SEMA3D: variants seen among roughly 807,000 people sequenced by gnomAD.
SEMA3D encodes the protein semaphorin 3D, also known as semaphorin-3D.
SEMA3D carries 84 observed loss-of-function variants against 100.1 expected under a neutral mutation model. The observed-to-expected ratio is 0.84, with a 90% CI of 0.70 to 1.01. SEMA3D has a LOEUF of 1.01. Among genes scored for constraint, SEMA3D ranks in the 50% least tolerant of loss-of-function variants. SEMA3D has a pLI of 0.00. For synonymous variants in SEMA3D, 312 were observed against 320.7 expected (o/e 0.97, Z 0.29); for missense variants, 875 against 934.1 (o/e 0.94, Z 0.82).
chr7:85,144,452 C>T (rs1490236159), intron 2 of SEMA3D: 4 of 979,184 alleles, frequency 4.1e-6, no homozygotes, highest in Non-Finnish European at 4.9e-6. Context: ...TCCTCTTCCC[C>T]AGAGGTAGAA....
intron 1 of SEMA3D, among the ~76,000 whole-genome samples, chr7:85,154,395 G>A (rs1184937914): frequency 6.6e-6 from 1 of 152,008 alleles, no homozygotes; most frequent in Non-Finnish European, 1.5e-5. Flanking sequence ...TCCCATGGAA[G>A]GGAGCCTCAG....
At chr7:85,064,502 T>A (rs545188707) in intron 8 of SEMA3D, among the ~76,000 whole-genome samples, 1 of 152,190 alleles carries the variant, frequency 6.6e-6, no homozygotes, top group African/African-American at 2.4e-5. Flanking sequence ...AGAAATGTTT[T>A]CAAAGTGTTT....
intron 16 of SEMA3D, 64 bp downstream of exon 16, chr7:85,014,995 C>A (rs1790056306): frequency 2.4e-6 from 3 of 1,238,098 alleles, no homozygotes; most frequent in African/African-American, 1.5e-5. Context: ...TAAGACAAAG[C>A]ATTAATGTGA....
At chr7:85,225,253 T>A in the SEMA3D span, among the ~76,000 whole-genome samples, 1 of 148,474 alleles carries the variant, frequency 6.7e-6, no homozygotes, top group Non-Finnish European at 1.5e-5. Context: ...CTAGTGAAAA[T>A]CAGAATAAGC....
At chr7:85,054,452 T>G (rs1456759597) in intron 9 of SEMA3D, among the ~76,000 whole-genome samples, 1 of 152,068 alleles carries the variant, frequency 6.6e-6, no homozygotes, top group Non-Finnish European at 1.5e-5. Context: ...GCAAGAGGCT[T>G]CAAGAGAAAT....
intron 3 of SEMA3D, among the ~76,000 whole-genome samples, chr7:85,109,511 C>G (rs1421030030): frequency 2.6e-5 from 4 of 151,946 alleles, no homozygotes; most frequent in African/African-American, 9.7e-5. Flanking sequence ...CTGTTTCTGG[C>G]TCACTGTGGC....
At chr7:85,246,401 ACTTCAT>A in the SEMA3D span, among the ~76,000 whole-genome samples, 1 of 152,022 alleles carries the variant, frequency 6.6e-6, no homozygotes, top group Non-Finnish European at 1.5e-5. Context: ...GCCCTCAATA[ACTTCAT>A]CTTCCTTCAG....
chr7:85,014,654 G>A (rs916054849), intron 16 of SEMA3D, among the ~76,000 whole-genome samples: 1 of 151,670 alleles, frequency 6.6e-6, no homozygotes, highest in Non-Finnish European at 1.5e-5. Context: ...TACAATCTGT[G>A]CTTGTACAAT....
chr7:85,052,783 G>A (rs566951301), intron 9 of SEMA3D, among the ~76,000 whole-genome samples: 63 of 151,956 alleles, frequency 4.1e-4, no homozygotes, highest in Non-Finnish European at 5.6e-4. Context: ...TGCATTTTGC[G>A]CAGAAATTAT....
chr7:85,180,981 T>C (rs1791386496), intron 1 of SEMA3D, among the ~76,000 whole-genome samples: 1 of 152,220 alleles, frequency 6.6e-6, no homozygotes, highest in Admixed American at 6.5e-5. Context: ...CTAGTGTAAG[T>C]TATCTGATGT....
the SEMA3D span, among the ~76,000 whole-genome samples, chr7:85,232,972 C>T: frequency 1.3e-5 from 2 of 152,096 alleles, no homozygotes; most frequent in Admixed American, 6.6e-5. Context: ...TTAAACTTGT[C>T]CCTACCCTCT....
chr7:85,027,704 G>C (rs116822302), intron 12 of SEMA3D: 1 of 294,960 alleles, frequency 3.4e-6, no homozygotes, highest in Non-Finnish European at 6.6e-6. Flanking sequence ...TGTTTTATGC[G>C]GCTTAATGTT....
intron 2 of SEMA3D, among the ~76,000 whole-genome samples, chr7:85,137,512 A>AT (rs912840053): frequency 2.6e-5 from 4 of 151,926 alleles, no homozygotes; most frequent in Non-Finnish European, 5.9e-5. Flanking sequence ...TGTACACGCT[A>AT]TTTTTTACCT....
chr7:85,094,135 G>T (rs1217682013), intron 4 of SEMA3D, among the ~76,000 whole-genome samples: 2 of 151,934 alleles, frequency 1.3e-5, no homozygotes, highest in African/African-American at 4.8e-5. Flanking sequence ...GAAAGAGAGG[G>T]TGGGGAGAGA....
At chr7:85,232,175 T>C in the SEMA3D span, among the ~76,000 whole-genome samples, 1 of 152,176 alleles carries the variant, frequency 6.6e-6, no homozygotes, top group African/African-American at 2.4e-5. Context: ...AGAAATTAAC[T>C]GTCCCTCAGC....
chr7:85,031,233 G>A (rs1239719084), intron 12 of SEMA3D, among the ~76,000 whole-genome samples: 1 of 151,966 alleles, frequency 6.6e-6, no homozygotes, highest in South Asian at 2.1e-4. Flanking sequence ...GTCAACAGAA[G>A]TCTCACCACT....
At chr7:85,196,011 C>A in the SEMA3D span, among the ~76,000 whole-genome samples, 3 of 151,956 alleles carry the variant, frequency 2.0e-5, no homozygotes, top group Admixed American at 2.0e-4. Flanking sequence ...ATATTTGTAC[C>A]TCAAAAATGT....
At position 85,155,728 on chromosome 7, in the gene SEMA3D, C is replaced by T. The variant is rs909392937; in HGVS notation, c.-172-1989G>A. Among the ~76,000 whole-genome samples, 11 of 152,132 alleles carry T rather than the reference C, an allele frequency of 7.2e-5. No homozygotes were observed. In the East Asian group the frequency reaches 7.7e-4, roughly 11 times the overall value. On this transcript the variant is annotated intron_variant, in intron 1 of 18. Transcript: ENST00000284136. ...TATTTATTTCTAATGAGGGTTAGCT[C>T]TTCAACAGAATGCAAATTATAAAAC...
intron 8 of SEMA3D, among the ~76,000 whole-genome samples, chr7:85,059,710 C>T (rs1791421112): frequency 6.6e-6 from 1 of 152,060 alleles, no homozygotes. Flanking sequence ...TAAAGCTTTC[C>T]TCAATCACTC....
Sources: allele counts gnomAD v4.1 joint callset (sites outside exome capture counted in the v4.1 genomes callset), GRCh38; gene constraint gnomAD v4.1.1; transcripts MANE v1.5; gene names NCBI Gene and HGNC (gene_info 2026-07-23, HGNC 2026-07-21).